Variants in SNRPN observed in about 807,000 individuals in gnomAD.
SNRPN encodes small nuclear ribonucleoprotein polypeptide N.
SNRPN carries 7 observed loss-of-function variants against 25.2 expected under a neutral mutation model. The observed-to-expected ratio is 0.28, with a 90% CI of 0.16 to 0.52. SNRPN has a LOEUF of 0.52. Among genes scored for constraint, SNRPN ranks in the 20% least tolerant of loss-of-function variants. The probability of loss-of-function intolerance (pLI) is 0.96; values close to 1 mark genes in which losing one functional copy is unlikely to be tolerated. For synonymous variants in SNRPN, 124 were observed against 110.6 expected, an observed-to-expected ratio of 1.12 and a Z score of -0.76; for missense variants, 196 against 322.5, an observed-to-expected ratio of 0.61 and a Z score of 3.00.
intron 2 of SNRPN, among the ~76,000 whole-genome samples, chr15:24,837,742 T>G (rs1334699196): frequency 6.6e-6 from 1 of 151,436 alleles, no homozygotes; most frequent in Non-Finnish European, 1.5e-5. Flanking sequence ...TTTTTTTTTT[T>G]GAGTTGGAGT....
rs914397067 is a variant in SNRPN, at chr15:24,958,363, A to G, written c.-391+3301A>G. Among the ~76,000 whole-genome samples the G allele has an allele frequency of 2.7e-5, 4 of 147,306 alleles. No individual in the cohort carries two copies. In the South Asian group the frequency reaches 8.5e-4, roughly 31 times the overall value. On this transcript the variant is annotated intron_variant, in intron 1 of 9. Transcript: ENST00000390687. ...CAATGAAGTTTTAAAAATCTTATTTAGACCTGTCACTGGTCCTGTCTCCTT... is the reference window on the plus strand; with the variant it reads ...CAATGAAGTTTTAAAAATCTTATTTGGACCTGTCACTGGTCCTGTCTCCTT...
intron 1 of SNRPN, among the ~76,000 whole-genome samples, chr15:24,881,584 GGAGAGAGAGAGAGAGAGAGAGA>G (rs1157961647): frequency 3.5e-5 from 2 of 57,654 alleles, no homozygotes; most frequent in Non-Finnish European, 7.6e-5. Context: ...AGGGAGGGAG[GGAGAGAGAGAGAGAGAGAGAGA>G]GAGAGAGAGA....
chr15:24,908,993 T>C, intron 2 of SNRPN: 1 of 1,413,940 alleles, frequency 7.1e-7, no homozygotes, highest in Non-Finnish European at 1.0e-6. Flanking sequence ...TACCCAATCC[T>C]TCTTCTGAGC....
intron 2 of SNRPN, among the ~76,000 whole-genome samples, chr15:24,834,751 C>CTCTCTCTCTCTCTCTCTA: frequency 0.012 from 728 of 60,894 alleles, 6 homozygotes; most frequent in Middle Eastern, 0.045. Flanking sequence ...CTCTCTCTCT[C>CTCTCTCTCTCTCTCTCTA]TATATATATA....
chr15:24,941,728 G>T (rs1235294156), intron 3 of SNRPN, among the ~76,000 whole-genome samples: 1 of 152,044 alleles, frequency 6.6e-6, no homozygotes, highest in African/African-American at 2.4e-5. Context: ...TGATTCAAAG[G>T]CATGAGGAGC....
intron 2 of SNRPN, among the ~76,000 whole-genome samples, chr15:24,890,965 C>T (rs2057620850): frequency 6.6e-6 from 1 of 152,084 alleles, no homozygotes. Flanking sequence ...GGCTGCAGTG[C>T]AGTGTCATGA....
chr15:24,908,927 G>C, intron 2 of SNRPN: 1 of 1,108,944 alleles, frequency 9.0e-7, no homozygotes. Context: ...AAATTGTTTG[G>C]TTTAGCTCTC....
intron 1 of SNRPN, among the ~76,000 whole-genome samples, chr15:24,956,283 G>A (rs1039858978): frequency 2.0e-5 from 3 of 150,464 alleles, no homozygotes; most frequent in Admixed American, 6.7e-5. Context: ...TCTGTGTTGC[G>A]TCACTGCCAT....
intron 3 of SNRPN, among the ~76,000 whole-genome samples, chr15:24,940,205 C>G (rs2061469978): frequency 4.6e-5 from 7 of 152,130 alleles, no homozygotes. Flanking sequence ...CTTTGATGCA[C>G]AGAAGGTTTT....
chr15:24,878,013 C>G (rs1372713163), intron 1 of SNRPN, among the ~76,000 whole-genome samples: 1 of 152,134 alleles, frequency 6.6e-6, no homozygotes, highest in Non-Finnish European at 1.5e-5. Context: ...ATTGTGTTAC[C>G]ATGGACAAAC....
chr15:24,852,560 G>A (rs1418086812), upstream of SNRPN, among the ~76,000 whole-genome samples: 5 of 152,148 alleles, frequency 3.3e-5, no homozygotes, highest in African/African-American at 9.7e-5. Flanking sequence ...GAAACAATGT[G>A]TAAATTAAAC....
intron 3 of SNRPN, among the ~76,000 whole-genome samples, chr15:24,940,751 T>G (rs949117113): frequency 1.3e-5 from 2 of 149,106 alleles, no homozygotes; most frequent in Non-Finnish European, 3.0e-5. Context: ...AAAGGAGCTG[T>G]GTGTGTGTGT....
chr15:24,935,203 T>C (rs1041481773), intron 3 of SNRPN, among the ~76,000 whole-genome samples: 4 of 151,238 alleles, frequency 2.6e-5, no homozygotes, highest in Non-Finnish European at 4.4e-5. Flanking sequence ...ACCCGGGAGG[T>C]TGAGGTTGCA....
intron 3 of SNRPN, among the ~76,000 whole-genome samples, chr15:24,937,854 T>C (rs1217452537): frequency 6.6e-6 from 1 of 152,242 alleles, no homozygotes; most frequent in East Asian, 1.9e-4. Flanking sequence ...CTCGTATAAA[T>C]GGAATCATAC....
intron 1 of SNRPN, among the ~76,000 whole-genome samples, chr15:24,862,954 G>A (rs1460466413): frequency 3.3e-5 from 5 of 151,000 alleles, no homozygotes; most frequent in Non-Finnish European, 7.3e-5. Flanking sequence ...TAAAGGGCCT[G>A]AGCAGGGGAG....
intron 2 of SNRPN, among the ~76,000 whole-genome samples, chr15:24,902,286 C>T (rs974674242): frequency 6.6e-6 from 1 of 152,114 alleles, no homozygotes; most frequent in African/African-American, 2.4e-5. Flanking sequence ...GCTATGCATT[C>T]TACTGGGGAA....
intron 3 of SNRPN, among the ~76,000 whole-genome samples, chr15:24,921,629 C>T (rs2060025492): frequency 6.6e-6 from 1 of 152,122 alleles, no homozygotes; most frequent in South Asian, 2.1e-4. Flanking sequence ...AGCCCTTGGC[C>T]TGTTAACATG....
chr15:24,903,956 C>T (rs2151681987), intron 2 of SNRPN, among the ~76,000 whole-genome samples: 1 of 151,730 alleles, frequency 6.6e-6, no homozygotes, highest in South Asian at 2.1e-4. Context: ...ATCACCTGAG[C>T]CCAGGAGGTG....
chr15:24,926,836 C>G (rs909278604), intron 3 of SNRPN, among the ~76,000 whole-genome samples: 1 of 151,448 alleles, frequency 6.6e-6, no homozygotes, highest in Non-Finnish European at 1.5e-5. Flanking sequence ...GAGACCTCCT[C>G]TCTACAGAAA....
Sources: allele counts gnomAD v4.1 joint callset (sites outside exome capture counted in the v4.1 genomes callset), GRCh38; gene constraint gnomAD v4.1.1; transcripts MANE v1.5; gene names NCBI Gene and HGNC (gene_info 2026-07-23, HGNC 2026-07-21).